The following AKT3 variants were observed in gnomAD, a reference collection of about 807,000 sequenced individuals.
AKT3 encodes RAC-gamma serine/threonine-protein kinase.
Under a neutral mutation model 65.3 loss-of-function variants are expected in AKT3, and 15 were observed. That is an observed-to-expected ratio of 0.23 (90% CI 0.15 to 0.35). The LOEUF is 0.35. Ranked by LOEUF, AKT3 falls within the 10% of genes least tolerant of loss-of-function variation. The pLI, the probability that AKT3 is intolerant of heterozygous loss-of-function variation, is 1.00. For missense variants in AKT3, 243 were observed against 576.5 expected (o/e 0.42, Z 5.92); for synonymous variants, 206 against 183.8 (o/e 1.12, Z -0.98).
intron 13 of AKT3, among the ~76,000 whole-genome samples, chr1:243,509,826 G>A (rs899355236): frequency 3.9e-5 from 6 of 152,078 alleles, no homozygotes; most frequent in Non-Finnish European, 5.9e-5. Flanking sequence ...GGACAAAAAC[G>A]CCACTGAGAG....
At chr1:243,515,817 C>T (rs1004533903) in intron 12 of AKT3, among the ~76,000 whole-genome samples, 2 of 152,012 alleles carry the variant, frequency 1.3e-5, no homozygotes, top group Non-Finnish European at 2.9e-5. Context: ...GGGAAACCCC[C>T]GTCTCTACTA....
chr1:243,639,588 C>T (rs186892608), intron 5 of AKT3, among the ~76,000 whole-genome samples: 1 of 152,274 alleles, frequency 6.6e-6, no homozygotes, highest in Admixed American at 6.5e-5. Context: ...AGGAACCTCC[C>T]ATCAGTGCCA....
intron 10 of AKT3, among the ~76,000 whole-genome samples, chr1:243,557,381 C>A (rs529039556): frequency 1.6e-4 from 25 of 151,788 alleles, no homozygotes; most frequent in Admixed American, 1.6e-3. Flanking sequence ...AGAATCACAC[C>A]GAAGTACTGA....
intron 2 of AKT3, among the ~76,000 whole-genome samples, chr1:243,758,911 T>G (rs1379678675): frequency 6.6e-6 from 1 of 152,162 alleles, no homozygotes; most frequent in Non-Finnish European, 1.5e-5. Context: ...GTCCTATAGA[T>G]TCCTGAAAGG....
intron 11 of AKT3, among the ~76,000 whole-genome samples, chr1:243,552,375 A>C (rs1269001909): frequency 6.6e-6 from 1 of 150,524 alleles, no homozygotes; most frequent in African/African-American, 2.4e-5. Flanking sequence ...AAATAGGTCT[A>C]TTCCTTTTAT....
chr1:243,517,200 C>G (rs1413895732), intron 12 of AKT3, among the ~76,000 whole-genome samples: 1 of 151,912 alleles, frequency 6.6e-6, no homozygotes, highest in African/African-American at 2.4e-5. Flanking sequence ...TACTTAAATC[C>G]TTTAAAATTC....
chr1:243,700,506 A>ATTTTTTTTTTTTTTTTTT (rs67611152), intron 2 of AKT3, among the ~76,000 whole-genome samples: 10 of 139,932 alleles, frequency 7.1e-5, no homozygotes, highest in African/African-American at 2.7e-4. Flanking sequence ...GGCTTAGTCT[A>ATTTTTTTTTTTTTTTTTT]TTTTTTTTTT....
chr1:243,584,917 A>C (rs560767227), intron 8 of AKT3, among the ~76,000 whole-genome samples: 8 of 152,278 alleles, frequency 5.3e-5, no homozygotes, highest in African/African-American at 1.9e-4. Context: ...CAGGTAAAAG[A>C]AAGAAATAAA....
rs542384866 is a variant in AKT3, at chr1:243,643,210, T to C, written c.429+2683A>G. ...CTCTTTTTCTCTGGATACTGGCCACTGGTATGAGTTACTACAGCCAGGAAT... is the reference window on the plus strand; with the variant it reads ...CTCTTTTTCTCTGGATACTGGCCACCGGTATGAGTTACTACAGCCAGGAAT... On this transcript the variant is annotated intron_variant, in intron 5 of 13. Coordinates refer to ENST00000673466, the MANE Select transcript of AKT3 (RefSeq NM_005465.7). 4.6e-5 allele frequency among the ~76,000 whole-genome samples: 7 copies of C among 152,308 alleles called. No individual in the cohort carries two copies. The East Asian group carries it at 1.2e-3, about 25-fold the overall frequency.
At chr1:243,808,553 A>C (rs546674904) in intron 2 of AKT3, among the ~76,000 whole-genome samples, 1 of 152,222 alleles carries the variant, frequency 6.6e-6, no homozygotes, top group Non-Finnish European at 1.5e-5. Flanking sequence ...TCTACGTCTG[A>C]TTGGTGCACC....
intron 8 of AKT3, among the ~76,000 whole-genome samples, chr1:243,582,752 C>T (rs77428421): frequency 2.0e-5 from 3 of 152,194 alleles, no homozygotes; most frequent in East Asian, 1.9e-4. Flanking sequence ...CAAAACATCA[C>T]ATAACAGTAT....
At chr1:243,508,998 A>G (rs1444313211) in intron 13 of AKT3, among the ~76,000 whole-genome samples, 2 of 152,100 alleles carry the variant, frequency 1.3e-5, no homozygotes, top group Non-Finnish European at 2.9e-5. Context: ...TGGTCCTACA[A>G]TTGCAGGTGG....
intron 12 of AKT3, among the ~76,000 whole-genome samples, chr1:243,519,474 G>T (rs543228849): frequency 1.9e-4 from 29 of 152,272 alleles, no homozygotes; most frequent in Non-Finnish European, 3.5e-4. Flanking sequence ...AAGCAATATT[G>T]GACAGGTCAA....
intron 8 of AKT3, among the ~76,000 whole-genome samples, chr1:243,585,555 GA>G (rs1675734996): frequency 6.6e-6 from 1 of 152,022 alleles, no homozygotes; most frequent in Non-Finnish European, 1.5e-5. Context: ...AAGGCCAATG[GA>G]ACATAATAGA....
intron 8 of AKT3, among the ~76,000 whole-genome samples, chr1:243,598,021 C>T (rs530105007): frequency 6.6e-5 from 10 of 152,142 alleles, no homozygotes; most frequent in African/African-American, 2.4e-4. Flanking sequence ...AATTAATGTA[C>T]TGATTTATGC....
intron 11 of AKT3, among the ~76,000 whole-genome samples, chr1:243,549,636 G>C (rs1672907626): frequency 6.6e-6 from 1 of 151,866 alleles, no homozygotes; most frequent in African/African-American, 2.4e-5. Context: ...ATGTGCCCAG[G>C]TTGGTCTTGA....
At chr1:243,838,442 A>C (rs982129310) in intron 2 of AKT3, among the ~76,000 whole-genome samples, 2 of 152,060 alleles carry the variant, frequency 1.3e-5, no homozygotes, top group Admixed American at 1.3e-4. Context: ...TCTTTCTCCT[A>C]ATCATTTTAT....
chr1:243,802,011 T>C (rs1692407899), intron 2 of AKT3, among the ~76,000 whole-genome samples: 1 of 152,166 alleles, frequency 6.6e-6, no homozygotes, highest in Non-Finnish European at 1.5e-5. Context: ...TGGGGGCTAA[T>C]ATATATGGAA....
At chr1:243,615,926 G>C (rs1275556650) in intron 6 of AKT3, among the ~76,000 whole-genome samples, 1 of 151,880 alleles carries the variant, frequency 6.6e-6, no homozygotes, top group East Asian at 1.9e-4. Flanking sequence ...TTTTTTTAGA[G>C]ATAGGGTCTT....
Sources: allele counts gnomAD v4.1 joint callset (sites outside exome capture counted in the v4.1 genomes callset), GRCh38; gene constraint gnomAD v4.1.1; transcripts MANE v1.5; gene names NCBI Gene and HGNC (gene_info 2026-07-23, HGNC 2026-07-21).